Variants in MARCHF3 observed in about 807,000 individuals in gnomAD.
The protein encoded by MARCHF3 is E3 ubiquitin-protein ligase MARCHF3.
Under a neutral mutation model 24.2 loss-of-function variants are expected in MARCHF3, and 13 were observed. The observed-to-expected ratio is 0.54, with a 90% confidence interval of 0.35 to 0.85. The LOEUF is 0.85. Among genes scored for constraint, MARCHF3 ranks in the 40% least tolerant of loss-of-function variants. MARCHF3 has a pLI of 0.01. For missense variants in MARCHF3, 276 were observed against 325.0 expected (o/e 0.85, Z 1.16); for synonymous variants, 144 against 137.3 (o/e 1.05, Z -0.34).
At position 126,878,378 on chromosome 5, in the gene MARCHF3, C is replaced by T; in HGVS notation, c.410G>A (p.Gly137Asp). 6.2e-7 allele frequency: 1 copy of T among 1,613,032 alleles called. No individual in the cohort carries two copies. Among genetic ancestry groups the T allele is most frequent in the Non-Finnish European group, 8.5e-7 (1 of 1,179,512 alleles). Residue 137 changes from glycine (G) to aspartate (D), a missense_variant, in exon 4 of 5, where the codon GGC becomes GAC. Physicochemically the swap from Gly to Asp is moderately conservative, Grantham distance 94. Coordinates refer to ENST00000308660, the MANE Select transcript of MARCHF3 (RefSeq NM_178450.5). Reference protein sequence around the residue: ...RPLVEWLRNPGPQHEKRTLFG... With the variant: ...RPLVEWLRNPDPQHEKRTLFG... ...CAGAGTCCGCTTCTCATGCTGGGGG[C>T]CAGGGTTTCTCAGCCACTGCCAGGT...
At chr5:126,873,261 G>A (rs1170662954) in intron 4 of MARCHF3, among the ~76,000 whole-genome samples, 1 of 152,206 alleles carries the variant, frequency 6.6e-6, no homozygotes, top group Non-Finnish European at 1.5e-5. Context: ...TTTGTAAGAT[G>A]TGAATAATGA....
chr5:126,979,635 T>A (rs1751320379), intron 1 of MARCHF3, among the ~76,000 whole-genome samples: 2 of 152,164 alleles, frequency 1.3e-5, no homozygotes, highest in African/African-American at 4.8e-5. Flanking sequence ...AATTTTGAAA[T>A]GGTCTTTATT....
Position 126,870,727 on chromosome 5 carries a change from A to T in MARCHF3, c.668T>A (p.Leu223His). ...TACATTGACAGACTTTGGAATGAGG[A>T]GAATCACCCTCTGATTGGTCCGACG... ...EWRRTNQRVI[L>H]LIPKSVNVPS... is the part of the protein sequence containing the mutation. Residue 223 changes from leucine to histidine, a missense_variant, in exon 5 of 5, where the codon CTC becomes CAC. Physicochemically the swap from Leu to His is moderately conservative, Grantham distance 99 (BLOSUM62 -3). Transcript: ENST00000308660. The T allele has an allele frequency of 6.2e-7, 1 of 1,614,216 alleles. No individual in the cohort carries two copies. The highest frequency in any genetic ancestry group is 8.5e-7 in the Non-Finnish European group (1 of 1,180,040).
intron 3 of MARCHF3, among the ~76,000 whole-genome samples, chr5:126,904,307 A>G (rs1754212274): frequency 6.6e-6 from 1 of 150,988 alleles, no homozygotes; most frequent in Admixed American, 6.6e-5. Flanking sequence ...AGCATGATTT[A>G]TAGTCCTTTG....
intron 1 of MARCHF3, among the ~76,000 whole-genome samples, chr5:126,998,729 T>G (rs1344812305): frequency 6.6e-6 from 1 of 152,068 alleles, no homozygotes; most frequent in Non-Finnish European, 1.5e-5. Flanking sequence ...AGAAAAGCCA[T>G]CTTTTAAACA....
At chr5:126,921,186 C>T (rs974911499) in intron 1 of MARCHF3, among the ~76,000 whole-genome samples, 4 of 152,064 alleles carry the variant, frequency 2.6e-5, no homozygotes, top group Non-Finnish European at 5.9e-5. Context: ...GACTGGCATG[C>T]CAGCAATGAG....
At chr5:126,961,226 TC>T (rs917339774) in intron 1 of MARCHF3, among the ~76,000 whole-genome samples, 13 of 152,142 alleles carry the variant, frequency 8.5e-5, no homozygotes, top group African/African-American at 3.1e-4. Flanking sequence ...TTCCTACAAT[TC>T]CCTCCCCTCT....
intron 1 of MARCHF3, among the ~76,000 whole-genome samples, chr5:126,928,104 T>A (rs1330278117): frequency 6.6e-6 from 1 of 152,216 alleles, no homozygotes; most frequent in African/African-American, 2.4e-5. Flanking sequence ...AGGCCTTTAC[T>A]GCCTTCTAGG....
chr5:126,912,848 A>T (rs1038406135), intron 3 of MARCHF3, among the ~76,000 whole-genome samples: 2 of 152,204 alleles, frequency 1.3e-5, no homozygotes, highest in Non-Finnish European at 1.5e-5. Flanking sequence ...TTTCACTTTC[A>T]ACTTGTTCAA....
intron 3 of MARCHF3, among the ~76,000 whole-genome samples, chr5:126,907,416 G>T: frequency 7.2e-6 from 1 of 139,310 alleles, no homozygotes; most frequent in East Asian, 2.1e-4. Flanking sequence ...TTGACAGTGG[G>T]GTGTTAAAGT....
intron 1 of MARCHF3, among the ~76,000 whole-genome samples, chr5:127,022,746 C>G (rs1357096877): frequency 6.6e-6 from 1 of 152,210 alleles, no homozygotes; most frequent in Non-Finnish European, 1.5e-5. Flanking sequence ...CATTTGAGTT[C>G]ATGACCTAAT....
intron 4 of MARCHF3, among the ~76,000 whole-genome samples, chr5:126,876,929 C>T (rs957195009): frequency 6.6e-6 from 1 of 152,178 alleles, no homozygotes; most frequent in Non-Finnish European, 1.5e-5. Flanking sequence ...GGATTACAGG[C>T]ATGAGCCACC....
intron 1 of MARCHF3, among the ~76,000 whole-genome samples, chr5:126,987,968 G>A (rs530947271): frequency 2.0e-4 from 31 of 152,114 alleles, no homozygotes; most frequent in Non-Finnish European, 3.5e-4. Context: ...ATTACGGGAA[G>A]CCGCATGAGG....
At position 126,871,831 on chromosome 5, in the gene MARCHF3, T is replaced by C. The variant is rs527311315; in HGVS notation, c.604-1040A>G. Among the ~76,000 whole-genome samples the C allele has an allele frequency of 3.3e-5, 5 of 151,912 alleles. No individual in the cohort carries two copies. In the South Asian group the frequency reaches 1.0e-3, roughly 32 times the overall value. On this transcript the variant is annotated intron_variant, in intron 4 of 4. Transcript: ENST00000308660. ...AAGCGATTCTTGTGCCTCAGCCTCC[T>C]GAGAAGCCGGGATTACAGGCATACG... is the stretch of plus-strand genomic sequence containing the variant.
chr5:126,983,654 G>A (rs1751466199), intron 1 of MARCHF3, among the ~76,000 whole-genome samples: 1 of 152,150 alleles, frequency 6.6e-6, no homozygotes, highest in African/African-American at 2.4e-5. Flanking sequence ...ATGATGCTGA[G>A]GTCAGTCCAC....
chr5:126,989,968 A>G (rs1037006546), intron 1 of MARCHF3, among the ~76,000 whole-genome samples: 3 of 152,154 alleles, frequency 2.0e-5, no homozygotes, highest in Non-Finnish European at 2.9e-5. Flanking sequence ...TACTAAAAAT[A>G]CAAAAATTAA....
intron 1 of MARCHF3, among the ~76,000 whole-genome samples, chr5:126,932,340 A>G (rs1266602861): frequency 6.6e-6 from 1 of 152,194 alleles, no homozygotes; most frequent in South Asian, 2.1e-4. Context: ...GAAAAAGGAG[A>G]AGGTGACTTC....
chr5:126,956,601 C>T (rs903786462), intron 1 of MARCHF3, among the ~76,000 whole-genome samples: 8 of 140,988 alleles, frequency 5.7e-5, no homozygotes, highest in Admixed American at 2.1e-4. Flanking sequence ...GCCAAGATTG[C>T]GCCACTGTAC....
chr5:126,922,775 T>C (rs905817101), intron 1 of MARCHF3, among the ~76,000 whole-genome samples: 28 of 152,152 alleles, frequency 1.8e-4, no homozygotes, highest in African/African-American at 6.8e-4. Flanking sequence ...CTCGATCTCC[T>C]GATCTCGTGA....
Sources: allele counts gnomAD v4.1 joint callset (sites outside exome capture counted in the v4.1 genomes callset), GRCh38; gene constraint gnomAD v4.1.1; transcripts MANE v1.5; gene names NCBI Gene and HGNC (gene_info 2026-07-23, HGNC 2026-07-21).